DLGAP1: variants seen among roughly 807,000 people sequenced by gnomAD.
DLGAP1 encodes the protein disks large-associated protein 1.
DLGAP1 carries 11 observed loss-of-function variants against 90.8 expected under a neutral mutation model. The ratio of observed to expected loss-of-function variants is 0.12; its 90% CI spans 0.08 to 0.20. DLGAP1 has a LOEUF of 0.20. DLGAP1 is among the 10% of genes least tolerant of loss of function. The pLI is 1.00. For synonymous variants in DLGAP1, 558 were observed against 540.7 expected (o/e 1.03, Z -0.44); for missense variants, 1,050 against 1,333.8 (o/e 0.79, Z 3.31).
rs200109299 is a variant in DLGAP1 at position 3,787,979 on chromosome 18, A to T, written c.1172+26080T>A. ...TTATATCACAGGAAGAAAGACTTAA[A>T]TCTGTCAACACGCCTGGACTGACTT... On this transcript the variant is annotated intron_variant, in intron 5 of 12. Coordinates refer to ENST00000315677, the MANE Select transcript of DLGAP1 (RefSeq NM_004746.4). 9.8e-5 allele frequency among the ~76,000 whole-genome samples: 15 copies of T among 152,304 alleles called. No homozygotes were observed. In the East Asian group the frequency reaches 2.1e-3, roughly 22 times the overall value.
At position 4,208,334 on chromosome 18, in the gene DLGAP1, A is replaced by G. The variant is rs1317825544; in HGVS notation, c.-266-57047T>C. ...CTCATAAAAGCAAATTTGATACACAATATACTTGAAATACCATAAATTTGC... is the reference window on the plus strand; with the variant it reads ...CTCATAAAAGCAAATTTGATACACAGTATACTTGAAATACCATAAATTTGC... On this transcript the variant is annotated intron_variant, in intron 1 of 12. Coordinates refer to ENST00000315677, the MANE Select transcript of DLGAP1 (RefSeq NM_004746.4). 3.9e-5 allele frequency among the ~76,000 whole-genome samples: 6 copies of G among 152,222 alleles called. No individual in the cohort carries two copies. The South Asian group carries it at 8.3e-4, about 21-fold the overall frequency.
intron 1 of DLGAP1, among the ~76,000 whole-genome samples, chr18:4,244,673 C>T (rs531285065): frequency 1.6e-4 from 25 of 152,312 alleles, no homozygotes; most frequent in Admixed American, 4.6e-4. Flanking sequence ...GGATCAGTTA[C>T]ATGATCTGTG....
intron 5 of DLGAP1, 79 bp from the exon 6 acceptor site, chr18:3,742,591 T>A: frequency 6.6e-7 from 1 of 1,513,644 alleles, no homozygotes; most frequent in African/African-American, 1.4e-5. Flanking sequence ...CTATTGTCAT[T>A]TATGTAGCAC....
chr18:3,950,922 A>C (rs1306866948), intron 3 of DLGAP1, among the ~76,000 whole-genome samples: 10 of 152,228 alleles, frequency 6.6e-5, no homozygotes, highest in Non-Finnish European at 2.9e-5. Context: ...GCTGACAGTT[A>C]TCTATGGTCA....
At chr18:4,265,943 C>T (rs973124182) in intron 1 of DLGAP1, among the ~76,000 whole-genome samples, 1 of 151,842 alleles carries the variant, frequency 6.6e-6, no homozygotes, top group African/African-American at 2.4e-5. Flanking sequence ...CCTCCTCAGA[C>T]TCCAGAAGTG....
intron 1 of DLGAP1, among the ~76,000 whole-genome samples, chr18:4,282,105 C>T (rs1044885314): frequency 2.6e-5 from 4 of 152,170 alleles, no homozygotes; most frequent in Non-Finnish European, 5.9e-5. Flanking sequence ...GGGCTCACGC[C>T]TGTAATCCCA....
At chr18:3,605,643 T>A (rs1432779335) in intron 7 of DLGAP1, among the ~76,000 whole-genome samples, 3 of 152,210 alleles carry the variant, frequency 2.0e-5, no homozygotes, top group African/African-American at 7.2e-5. Context: ...ATCAAAATAA[T>A]AAAACTTCAA....
intron 1 of DLGAP1, among the ~76,000 whole-genome samples, chr18:4,202,646 T>C (rs1421335944): frequency 6.6e-6 from 1 of 152,148 alleles, no homozygotes; most frequent in Non-Finnish European, 1.5e-5. Context: ...TTGATATTAA[T>C]GAAAAGTAAA....
intron 1 of DLGAP1, among the ~76,000 whole-genome samples, chr18:4,299,540 T>C (rs2080073147): frequency 1.3e-5 from 2 of 152,224 alleles, no homozygotes; most frequent in South Asian, 4.1e-4. Context: ...AAACAGCCCA[T>C]TTTGTCACAC....
chr18:3,836,576 AC>A (rs1467064908), intron 4 of DLGAP1, among the ~76,000 whole-genome samples: 2 of 151,338 alleles, frequency 1.3e-5, no homozygotes, highest in African/African-American at 4.9e-5. Flanking sequence ...GCACTTTTCG[AC>A]CCTCCTAGGA....
At chr18:4,443,486 G>T (rs368936047) in intron 1 of DLGAP1, among the ~76,000 whole-genome samples, 1 of 152,146 alleles carries the variant, frequency 6.6e-6, no homozygotes, top group Non-Finnish European at 1.5e-5. Context: ...TAAATATAGG[G>T]TCCTAAACAT....
intron 1 of DLGAP1, among the ~76,000 whole-genome samples, chr18:4,159,879 T>C (rs2076816780): frequency 6.6e-6 from 1 of 152,336 alleles, no homozygotes; most frequent in Non-Finnish European, 1.5e-5. Context: ...CTCTTATCCT[T>C]ATATCTCAGT....
At chr18:4,176,483 T>C (rs1315977001) in intron 1 of DLGAP1, among the ~76,000 whole-genome samples, 1 of 152,214 alleles carries the variant, frequency 6.6e-6, no homozygotes, top group Non-Finnish European at 1.5e-5. Flanking sequence ...GCCCCAGAGC[T>C]AACTCCTACT....
Position 4,189,274 on chromosome 18 carries a change from T to G in DLGAP1, c.-266-37987A>C, listed in dbSNP as rs533191349. Among the ~76,000 whole-genome samples the G allele has an allele frequency of 2.6e-5, 4 of 152,290 alleles. No individual in the cohort carries two copies. In the South Asian group the frequency reaches 8.3e-4, roughly 32 times the overall value. On this transcript the variant is annotated intron_variant, in intron 1 of 12. Transcript: ENST00000315677. ...GATGTGATTTTTATTTTTATTTCATTAGGTCCTTCCCAGATGTTGCAACTT... is the reference window on the plus strand; with the variant it reads ...GATGTGATTTTTATTTTTATTTCATGAGGTCCTTCCCAGATGTTGCAACTT...
intron 1 of DLGAP1, among the ~76,000 whole-genome samples, chr18:4,354,745 C>T (rs888599192): frequency 1.3e-5 from 2 of 151,936 alleles, no homozygotes; most frequent in Non-Finnish European, 2.9e-5. Flanking sequence ...CTAAGGCACA[C>T]AATACCCATC....
At chr18:3,602,513 T>G (rs1485608169) in intron 7 of DLGAP1, among the ~76,000 whole-genome samples, 3 of 140,074 alleles carry the variant, frequency 2.1e-5, no homozygotes, top group African/African-American at 8.1e-5. Context: ...GAGAATGGCG[T>G]GAACCCGGGA....
At position 4,151,299 on chromosome 18, in the gene DLGAP1, CAA is replaced by C. The variant is rs2076671575; in HGVS notation, c.-266-14_-266-13del. 1 of 151,944 alleles carries C rather than the reference CAA, an allele frequency of 6.6e-6. No homozygotes were observed. Among genetic ancestry groups the C allele is most frequent in the Admixed American group, 6.6e-5 (1 of 15,254 alleles). The allele number at this position is 151,944 out of a possible 1,614,324, so 9.4% of individuals were successfully genotyped here. ...GATGTTCAACTGCTCTGAAACATAA[CAA>C]TGCAATAATTAGATGTAATAACTAG... On this transcript the variant is annotated splice_polypyrimidine_tract_variant and intron_variant, in intron 1 of 12. Transcript: ENST00000315677.
intron 1 of DLGAP1, among the ~76,000 whole-genome samples, chr18:4,205,652 C>A (rs531587895): frequency 6.6e-6 from 1 of 152,262 alleles, no homozygotes; most frequent in East Asian, 1.9e-4. Flanking sequence ...GCCACCATGC[C>A]CAGCCTTAAA....
intron 1 of DLGAP1, among the ~76,000 whole-genome samples, chr18:4,175,788 T>C (rs1013776120): frequency 6.6e-6 from 1 of 152,006 alleles, no homozygotes; most frequent in African/African-American, 2.4e-5. Context: ...TCTTTTTTGA[T>C]ACTATGCTTA....
Sources: allele counts gnomAD v4.1 joint callset (sites outside exome capture counted in the v4.1 genomes callset), GRCh38; gene constraint gnomAD v4.1.1; transcripts MANE v1.5; gene names NCBI Gene and HGNC (gene_info 2026-07-23, HGNC 2026-07-21).